The following FMNL2 variants were observed in gnomAD, a reference collection of about 807,000 sequenced individuals.
FMNL2 encodes formin-like protein 2.
A neutral mutation model predicts 130.2 loss-of-function variants in FMNL2; 51 were observed. The ratio of observed to expected loss-of-function variants is 0.39; its 90% CI spans 0.31 to 0.49. FMNL2 has a LOEUF of 0.49. FMNL2 is among the 20% of genes least tolerant of loss of function. The pLI, the probability that FMNL2 is intolerant of heterozygous loss-of-function variation, is 0.85. For missense variants in FMNL2, 977 were observed against 1,316.2 expected (o/e 0.74, Z 3.99); for synonymous variants, 465 against 467.1 (o/e 1.00, Z 0.06).
chr2:152,638,871 GA>G (rs1266396526), intron 23 of FMNL2, among the ~76,000 whole-genome samples: 1 of 152,228 alleles, frequency 6.6e-6, no homozygotes, highest in African/African-American at 2.4e-5. Context: ...GGTCAAAAGA[GA>G]AAATATATTT....
intron 1 of FMNL2, among the ~76,000 whole-genome samples, chr2:152,375,762 G>T (rs2105876351): frequency 6.7e-6 from 1 of 150,192 alleles, no homozygotes; most frequent in African/African-American, 2.4e-5. Flanking sequence ...TCCTGCCATT[G>T]CTTTGTTATG....
chr2:152,639,721 G>A (rs1559032559), intron 23 of FMNL2, among the ~76,000 whole-genome samples: 3 of 152,184 alleles, frequency 2.0e-5, no homozygotes, highest in South Asian at 2.1e-4. Context: ...AACAGGGAGC[G>A]ATCATCAGGA....
At chr2:152,576,544 T>C (rs1000140250) in intron 7 of FMNL2, among the ~76,000 whole-genome samples, 3 of 152,228 alleles carry the variant, frequency 2.0e-5, no homozygotes, top group African/African-American at 7.2e-5. Flanking sequence ...CAGAGAAGTT[T>C]GGTAATTTGC....
chr2:152,589,987 A>ATATGTATGTATATGTATATGTATATT (rs70974871), intron 9 of FMNL2, among the ~76,000 whole-genome samples: 1 of 55,254 alleles, frequency 1.8e-5, no homozygotes, highest in Admixed American at 1.9e-4. Context: ...ATATATATGT[A>ATATGTATGTATATGTATATGTATATT]TATGTATATG....
intron 9 of FMNL2, among the ~76,000 whole-genome samples, chr2:152,582,028 G>A (rs1696817227): frequency 6.6e-6 from 1 of 152,126 alleles, no homozygotes; most frequent in Non-Finnish European, 1.5e-5. Context: ...TACATGCATG[G>A]CATCATTTGG....
At chr2:152,440,419 C>A (rs983505200) in intron 1 of FMNL2, among the ~76,000 whole-genome samples, 1 of 152,228 alleles carries the variant, frequency 6.6e-6, no homozygotes. Flanking sequence ...TAAATGCTAA[C>A]ATCTACTTCT....
At chr2:152,618,783 T>C in intron 13 of FMNL2, 63 bp from the exon 14 acceptor site, 2 of 1,408,526 alleles carry the variant, frequency 1.4e-6, no homozygotes, top group East Asian at 2.3e-5. Flanking sequence ...AGTTTGCCAA[T>C]CTGATGCTAC....
At chr2:152,440,402 A>C (rs530521982) in intron 1 of FMNL2, among the ~76,000 whole-genome samples, 3 of 152,242 alleles carry the variant, frequency 2.0e-5, no homozygotes, top group Non-Finnish European at 1.5e-5. Context: ...AGTTGTCAGT[A>C]CAGCCATAAA....
chr2:152,602,174 T>A (rs963039884), intron 9 of FMNL2, among the ~76,000 whole-genome samples: 1 of 152,158 alleles, frequency 6.6e-6, no homozygotes, highest in African/African-American at 2.4e-5. Context: ...GAGAGGCAGT[T>A]GTATTAGGCA....
chr2:152,396,898 T>A (rs1480005493), intron 1 of FMNL2, among the ~76,000 whole-genome samples: 3 of 152,206 alleles, frequency 2.0e-5, no homozygotes, highest in Non-Finnish European at 4.4e-5. Flanking sequence ...TCATCATTAT[T>A]TTTAAAGCTC....
At chr2:152,401,393 G>T (rs1278581059) in intron 1 of FMNL2, among the ~76,000 whole-genome samples, 2 of 152,220 alleles carry the variant, frequency 1.3e-5, no homozygotes, top group Non-Finnish European at 2.9e-5. Context: ...CACAGTCCTA[G>T]TGGTTTCTGC....
chr2:152,517,178 T>TA (rs1176208272), intron 1 of FMNL2, among the ~76,000 whole-genome samples: 1 of 129,456 alleles, frequency 7.7e-6, no homozygotes, highest in Non-Finnish European at 1.7e-5. Flanking sequence ...TTTTCCCCCG[T>TA]GAGTTTTTTT....
In FMNL2 at chr2:152,647,782, T is replaced by A; in HGVS notation, c.3170-14T>A. On this transcript the variant is annotated splice_polypyrimidine_tract_variant and intron_variant, in intron 25 of 25. Coordinates refer to ENST00000288670, the MANE Select transcript of FMNL2 (RefSeq NM_052905.4). Reference sequence around the variant, plus strand: ...AAGGTTGCTATTCTCTCACTGGCACTCTCCCCTTTACAGATCTTAGAAACC... The same window carrying A: ...AAGGTTGCTATTCTCTCACTGGCACACTCCCCTTTACAGATCTTAGAAACC... The A allele has an allele frequency of 6.2e-7, 1 of 1,613,122 alleles. No homozygotes were observed. The highest frequency in any genetic ancestry group is 1.7e-5 in the Admixed American group (1 of 60,018).
At chr2:152,458,746 G>A (rs929453363) in intron 1 of FMNL2, among the ~76,000 whole-genome samples, 3 of 152,278 alleles carry the variant, frequency 2.0e-5, no homozygotes, top group South Asian at 2.1e-4. Context: ...GTGGCCCCAC[G>A]TGATGCTGTG....
intron 4 of FMNL2, among the ~76,000 whole-genome samples, chr2:152,550,698 A>G (rs1694888196): frequency 6.6e-6 from 1 of 152,252 alleles, no homozygotes. Context: ...ACTTTTGGGC[A>G]TTTAGACTCA....
chr2:152,543,253 C>T (rs577720065), intron 3 of FMNL2, among the ~76,000 whole-genome samples: 1 of 152,178 alleles, frequency 6.6e-6, no homozygotes, highest in African/African-American at 2.4e-5. Context: ...ATGCTTTTAG[C>T]AGCTCCCCCC....
At chr2:152,418,792 T>G (rs745689722) in intron 1 of FMNL2, among the ~76,000 whole-genome samples, 1 of 152,182 alleles carries the variant, frequency 6.6e-6, no homozygotes, top group Non-Finnish European at 1.5e-5. Flanking sequence ...CTGTTTAAGT[T>G]TCTGCTTTCA....
intron 1 of FMNL2, among the ~76,000 whole-genome samples, chr2:152,459,198 T>C (rs1268053954): frequency 6.6e-6 from 1 of 152,208 alleles, no homozygotes; most frequent in Non-Finnish European, 1.5e-5. Flanking sequence ...TGAGAACATA[T>C]GGAGAGAACT....
chr2:152,635,814 A>C (rs1312336495), intron 21 of FMNL2, among the ~76,000 whole-genome samples: 1 of 152,226 alleles, frequency 6.6e-6, no homozygotes, highest in Non-Finnish European at 1.5e-5. Context: ...TTTGGGTCCT[A>C]GTAATCAATA....
Sources: allele counts gnomAD v4.1 joint callset (sites outside exome capture counted in the v4.1 genomes callset), GRCh38; gene constraint gnomAD v4.1.1; transcripts MANE v1.5; gene names NCBI Gene and HGNC (gene_info 2026-07-23, HGNC 2026-07-21).